NBN: variants seen among roughly 807,000 people sequenced by gnomAD.
NBN encodes the protein Nijmegen breakage syndrome 1 (nibrin).
In NBN, 88 loss-of-function variants were observed where a neutral mutation model predicts 90.8. The ratio of observed to expected loss-of-function variants is 0.97; its 90% confidence interval spans 0.82 to 1.16. The LOEUF (loss-of-function observed/expected upper bound fraction) is 1.16, where lower values mean the gene tolerates loss of function less well. Ranked by LOEUF, NBN falls within the 50% of genes most tolerant of loss-of-function variation. The pLI, the probability that NBN is intolerant of heterozygous loss-of-function variation, is 0.00. For synonymous variants in NBN, 328 were observed against 295.1 expected, an observed-to-expected ratio of 1.11 and a Z score of -1.14; for missense variants, 894 against 869.6, an observed-to-expected ratio of 1.03 and a Z score of -0.35.
Position 89,983,607 on chromosome 8 carries a change from T to C in NBN, c.38-752A>G, listed in dbSNP as rs13312850. Among the ~76,000 whole-genome samples, 9 of 152,362 alleles carry C rather than the reference T, an allele frequency of 5.9e-5. No individual in the cohort carries two copies. In the East Asian group the frequency reaches 7.7e-4, roughly 13 times the overall value. ...TGTACATTTTTTGAAAATTTGTTTT[T>C]ATCTTAAAGATAACATCTCCAATCA... On this transcript the variant is annotated intron_variant, in intron 1 of 15. Transcript: ENST00000265433.
rs563698271 is a variant in NBN at position 89,979,055 on chromosome 8, G to A, written c.481-732C>T. Among the ~76,000 whole-genome samples the A allele has an allele frequency of 4.6e-5, 7 of 152,286 alleles. No homozygotes were observed. In the East Asian group the frequency reaches 1.3e-3, roughly 29 times the overall value. ...TGCAGTGGCGTGATCCTGGTTCACTGCAGCCTCAACCTCCTGGGCTCAAGC... is the reference window on the plus strand; with the variant it reads ...TGCAGTGGCGTGATCCTGGTTCACTACAGCCTCAACCTCCTGGGCTCAAGC... On this transcript the variant is annotated intron_variant, in intron 4 of 15. Coordinates refer to ENST00000265433, the MANE Select transcript of NBN (RefSeq NM_002485.5).
At chr8:89,958,631 C>A in intron 9 of NBN, 94 bp downstream of exon 9, 3 of 1,420,320 alleles carry the variant, frequency 2.1e-6, no homozygotes, top group Non-Finnish European at 3.0e-6. Context: ...CTTTCTCTCT[C>A]AAGAGACAAC....
chr8:89,963,819 A>C lies in NBN; in HGVS notation c.994+591T>G, dbSNP rs554680719. ...AACCTGTTCATTTTTCTGCATCTCT[A>C]CTATTACCATGCTGGTCCAAGGCAT... On this transcript the variant is annotated intron_variant, in intron 8 of 15. Transcript: ENST00000265433. 2.5e-4 allele frequency among the ~76,000 whole-genome samples: 38 copies of C among 152,242 alleles called. 1 individual carries two copies. The highest frequency in any genetic ancestry group is 4.1e-4 in the Non-Finnish European group (28 of 68,004).
chr8:89,974,703 G>A (rs150845338), intron 5 of NBN, among the ~76,000 whole-genome samples: 39 of 152,204 alleles, frequency 2.6e-4, no homozygotes, highest in African/African-American at 7.9e-4. Context: ...GGAAACCACC[G>A]GTATTATAAC....
chr8:89,950,599 T>C (rs1810402675), intron 11 of NBN, among the ~76,000 whole-genome samples: 1 of 152,164 alleles, frequency 6.6e-6, no homozygotes, highest in African/African-American at 2.4e-5. Flanking sequence ...ACATATTTTG[T>C]ACTGTAATTT....
intron 5 of NBN, among the ~76,000 whole-genome samples, chr8:89,973,291 A>G (rs1811596239): frequency 6.6e-6 from 1 of 152,272 alleles, no homozygotes; most frequent in Admixed American, 6.5e-5. Context: ...AAAGTGAATA[A>G]AAAGTATAAA....
Position 89,964,586 on chromosome 8 carries a change from A to C in NBN, c.897-79T>G, listed in dbSNP as rs555156442. ...ATTCAGATAATGTCAAGATAAAGCA[A>C]CCTCTTTTTTTTCCTCCCAAATAAT... On this transcript the variant is annotated intron_variant, in intron 7 of 15. Coordinates refer to ENST00000265433, the MANE Select transcript of NBN (RefSeq NM_002485.5). 4 of 1,400,850 alleles carry C rather than the reference A, an allele frequency of 2.9e-6. No homozygotes were observed. The East Asian group carries it at 9.8e-5, about 34-fold the overall frequency. 86.8% of individuals were successfully genotyped at this position (1,400,850 alleles called of 1,614,324 possible).
chr8:89,981,255 CTGTGCT>C, intron 3 of NBN, 114 bp downstream of exon 3: 1 of 1,122,890 alleles, frequency 8.9e-7, no homozygotes. Context: ...GAGTCCAATA[CTGTGCT>C]AAGCAGGAAC....
intron 8 of NBN, among the ~76,000 whole-genome samples, chr8:89,961,685 G>A (rs919146834): frequency 2.0e-5 from 3 of 152,182 alleles, no homozygotes; most frequent in African/African-American, 7.2e-5. Context: ...AGGCGAGGTC[G>A]GGAGGAGGAA....
intron 14 of NBN, among the ~76,000 whole-genome samples, chr8:89,938,143 T>C (rs1836832255): frequency 6.6e-6 from 1 of 152,120 alleles, no homozygotes; most frequent in African/African-American, 2.4e-5. Flanking sequence ...ATTTCTACCT[T>C]CTGTTATAAT....
intron 5 of NBN, 73 bp downstream of exon 5, chr8:89,978,147 G>A (rs985314543): frequency 2.4e-6 from 3 of 1,260,222 alleles, no homozygotes; most frequent in African/African-American, 3.0e-5. Flanking sequence ...GCATTAAAGA[G>A]GGAATTAACT....
At chr8:89,952,998 C>G (rs1457801944) in intron 11 of NBN, among the ~76,000 whole-genome samples, 1 of 152,118 alleles carries the variant, frequency 6.6e-6, no homozygotes, top group Non-Finnish European at 1.5e-5. Flanking sequence ...TATAATAGTA[C>G]AGCCTAATTT....
chr8:89,939,327 G>C (rs1339339027), intron 14 of NBN, among the ~76,000 whole-genome samples: 2 of 152,074 alleles, frequency 1.3e-5, no homozygotes, highest in Admixed American at 6.5e-5. Flanking sequence ...AGCAAGTCAA[G>C]TCTGTTATAG....
chr8:89,975,989 T>C (rs566491796), intron 5 of NBN, among the ~76,000 whole-genome samples: 1 of 152,312 alleles, frequency 6.6e-6, no homozygotes, highest in East Asian at 1.9e-4. Context: ...GTGAAGTTTC[T>C]TGAGGTGAGA....
At chr8:89,982,680 A>AC (rs1464385243) in intron 2 of NBN, 42 bp downstream of exon 2, 1 of 1,548,608 alleles carries the variant, frequency 6.5e-7, no homozygotes, top group African/African-American at 1.4e-5. Flanking sequence ...TGTGATTTCA[A>AC]CCCCCTTACT....
intron 13 of NBN, 161 bp from the exon 14 acceptor site, chr8:89,943,527 T>C (rs1044601957): frequency 4.1e-6 from 1 of 243,378 alleles, no homozygotes; most frequent in African/African-American, 2.3e-5. Flanking sequence ...TCTAAACCCA[T>C]CTGTTTTTGC....
chr8:89,960,246 G>C (rs1810928422), intron 8 of NBN, among the ~76,000 whole-genome samples: 1 of 152,128 alleles, frequency 6.6e-6, no homozygotes, highest in Non-Finnish European at 1.5e-5. Flanking sequence ...TTCTCTATGT[G>C]ACCTCTAGAA....
intron 14 of NBN, chr8:89,937,309 A>G: frequency 1.9e-6 from 1 of 531,796 alleles, no homozygotes; most frequent in Middle Eastern, 5.1e-4. Context: ...ATCTCCACTC[A>G]AAGACAACCA....
At chr8:89,948,330 CTGTACGATCG>C (rs1464923342) in intron 11 of NBN, among the ~76,000 whole-genome samples, 1 of 152,160 alleles carries the variant, frequency 6.6e-6, no homozygotes, top group Non-Finnish European at 1.5e-5. Flanking sequence ...TTCTACATGT[CTGTACGATCG>C]TGTATTACTT....
Sources: allele counts gnomAD v4.1 joint callset (sites outside exome capture counted in the v4.1 genomes callset), GRCh38; gene constraint gnomAD v4.1.1; transcripts MANE v1.5; gene names NCBI Gene and HGNC (gene_info 2026-07-23, HGNC 2026-07-21).